Variants in PI4KB observed in about 807,000 individuals in gnomAD.
PI4KB encodes PtdIns 4-kinase beta.
Under a neutral mutation model 81.4 loss-of-function variants are expected in PI4KB, and 23 were observed. The ratio of observed to expected loss-of-function variants is 0.28; its 90% CI spans 0.20 to 0.40. The LOEUF is 0.40. Ranked by LOEUF, PI4KB falls within the 10% of genes least tolerant of loss-of-function variation. The pLI is 1.00. For missense variants in PI4KB, 651 were observed against 1,036.6 expected (o/e 0.63, Z 5.11); for synonymous variants, 381 against 406.8 (o/e 0.94, Z 0.76).
intron 4 of PI4KB, 100 bp from the exon 5 acceptor site, chr1:151,306,463 C>T (rs753999940): frequency 4.5e-5 from 33 of 736,826 alleles, no homozygotes; most frequent in Admixed American, 3.0e-4. Context: ...TTTCTCCTAG[C>T]TCCAGCCTTC....
In PI4KB at chr1:151,316,424, C is replaced by A; in HGVS notation, c.58G>T (p.Gly20Cys). The change falls in exon 2 of 12, where the codon GGC (glycine) becomes TGC (cysteine). Residue 20 changes from glycine (G) to cysteine (C), a missense_variant. Gly to Cys is a radical substitution (Grantham distance 159). Coordinates refer to ENST00000368873, the MANE Select transcript of PI4KB (RefSeq NM_001369623.2). Reference protein sequence around the residue: ...PLKPTSEPTSGPPGNNGGSLL... With the variant: ...PLKPTSEPTSCPPGNNGGSLL... The stretch of plus-strand genomic sequence containing the variant: ...GACCCCCCATTATTCCCTGGTGGGC[C>A]AGAAGTGGGCTCAGAAGTTGGCTTC... The A allele has an allele frequency of 6.3e-7, 1 of 1,581,908 alleles. No individual in the cohort carries two copies. Among genetic ancestry groups the A allele is most frequent in the African/African-American group, 1.3e-5 (1 of 74,154 alleles).
chr1:151,306,380 A>G lies in PI4KB; in HGVS notation c.1183-17T>C, dbSNP rs1485873083. The G allele has an allele frequency of 6.5e-7, 1 of 1,550,164 alleles. No homozygotes were observed. Among genetic ancestry groups the G allele is most frequent in the Non-Finnish European group, 8.9e-7 (1 of 1,122,008 alleles). On this transcript the variant is annotated splice_polypyrimidine_tract_variant and intron_variant, in intron 4 of 11. Coordinates refer to ENST00000368873, the MANE Select transcript of PI4KB (RefSeq NM_001369623.2). Reference sequence around the variant, plus strand: ...GTAGGGAGCCTGGGGGAAGAGTGAGACAGTATTTGCAACTTACTTCCACCA... The same window carrying G: ...GTAGGGAGCCTGGGGGAAGAGTGAGGCAGTATTTGCAACTTACTTCCACCA...
rs913851992 is a variant in PI4KB, at chr1:151,302,077, C to G, written c.1626-110G>C. The G allele has an allele frequency of 7.5e-5, 119 of 1,583,262 alleles. 1 individual carries two copies. The Middle Eastern group carries it at 2.4e-3, about 32-fold the overall frequency. ...ACGCCCCATAGGGCAAGGACCCAGA[C>G]AGCCTGGAAGCCTGACAGATTTTTT... On this transcript the variant is annotated intron_variant, in intron 7 of 11. Coordinates refer to ENST00000368873, the MANE Select transcript of PI4KB (RefSeq NM_001369623.2).
chr1:151,316,349 G>C lies in PI4KB; in HGVS notation c.133C>G (p.Pro45Ala). ...TGGCAGGCCTTCTGGGCCACCTCAG[G>C]GTCAATCACTGATAGTTCCCCGACC... Reference protein sequence around the residue: ...EGVGELSVIDPEVAQKACQEV... With the variant: ...EGVGELSVIDAEVAQKACQEV... Residue 45 changes from proline to alanine, a missense_variant, in exon 2 of 12, where the codon CCT (proline) becomes GCT (alanine). Pro to Ala is a conservative substitution (Grantham distance 27). Transcript: ENST00000368873. 6.2e-7 allele frequency: 1 copy of C among 1,612,896 alleles called. No homozygotes were observed. The highest frequency in any genetic ancestry group is 1.1e-5 in the South Asian group (1 of 90,852).
At chr1:151,298,542 T>C in intron 9 of PI4KB, 1 of 490,500 alleles carries the variant, frequency 2.0e-6, no homozygotes, top group Non-Finnish European at 3.7e-6. Flanking sequence ...TCCTCTGTCA[T>C]CATTTTCCCT....
intron 9 of PI4KB, among the ~76,000 whole-genome samples, chr1:151,296,238 C>G (rs933911222): frequency 3.9e-5 from 6 of 152,164 alleles, no homozygotes; most frequent in Non-Finnish European, 7.3e-5. Context: ...CAGAGCAAGA[C>G]TCTGTCTCAC....
intron 3 of PI4KB, 90 bp from the exon 4 acceptor site, chr1:151,307,891 G>A (rs1313951549): frequency 1.2e-5 from 12 of 965,658 alleles, no homozygotes; most frequent in Admixed American, 1.9e-5. Context: ...CATGCAGGCC[G>A]GGGACCCCAC....
intron 2 of PI4KB, among the ~76,000 whole-genome samples, chr1:151,313,254 G>A (rs1647388404): frequency 6.6e-6 from 1 of 152,154 alleles, no homozygotes; most frequent in East Asian, 1.9e-4. Context: ...GAGTGCCTGG[G>A]AACATAGTAT....
At chr1:151,324,988 CTTT>C (rs572033691) in intron 1 of PI4KB, 1,031 of 369,886 alleles carry the variant, frequency 2.8e-3, no homozygotes, top group South Asian at 3.8e-3. Context: ...AGGAAAGCTG[CTTT>C]TTTTTTTTTT....
chr1:151,327,234 C>A (rs1023753795), intron 1 of PI4KB, 37 bp downstream of exon 1: 1 of 281,160 alleles, frequency 3.6e-6, no homozygotes, highest in Admixed American at 7.2e-5. Flanking sequence ...CCCCACCCAA[C>A]AGGGCAAAGG....
At chr1:151,293,715 A>G in intron 11 of PI4KB, 1 of 353,378 alleles carries the variant, frequency 2.8e-6, no homozygotes, top group Non-Finnish European at 5.3e-6. Flanking sequence ...TGAGAAACTC[A>G]GAGCTGGACA....
chr1:151,301,979 G>A lies in PI4KB; in HGVS notation c.1626-12C>T. On this transcript the variant is annotated splice_polypyrimidine_tract_variant and intron_variant, in intron 7 of 11. Transcript: ENST00000368873. ...CCTCTCTGATCCGCCTGTGAAGACA[G>A]AAGTAAAGGGTGTCAAAGGTTGATG... is the stretch of plus-strand genomic sequence containing the variant. 6.2e-7 allele frequency: 1 copy of A among 1,613,282 alleles called. No homozygotes were observed. The highest frequency in any genetic ancestry group is 8.5e-7 in the Non-Finnish European group (1 of 1,180,014).
Position 151,316,395 on chromosome 1 carries a change from C to G in PI4KB, c.87G>C (p.Leu29=). The G allele has an allele frequency of 6.2e-7, 1 of 1,600,044 alleles. No individual in the cohort carries two copies. The highest frequency in any genetic ancestry group is 1.7e-5 in the Admixed American group (1 of 58,484). The change falls in exon 2 of 12, where the codon CTG becomes CTC. Residue 29 remains leucine (L), a synonymous_variant. Transcript: ENST00000368873. Reference sequence around the variant, plus strand: ...CGACCCCCTCCGTGATGACACTTAGCAGGGACCCCCCATTATTCCCTGGTG... The same window carrying G: ...CGACCCCCTCCGTGATGACACTTAGGAGGGACCCCCCATTATTCCCTGGTG... The part of the protein sequence containing the change: ...SGPPGNNGGS[L]LSVITEGVGE...
chr1:151,313,835 G>A (rs1647493542), intron 2 of PI4KB, among the ~76,000 whole-genome samples: 1 of 152,246 alleles, frequency 6.6e-6, no homozygotes. Flanking sequence ...TAGATATTGA[G>A]AAATAACCAA....
intron 4 of PI4KB, 35 bp downstream of exon 4, chr1:151,307,539 G>A (rs757366319): frequency 1.9e-5 from 28 of 1,438,554 alleles, no homozygotes; most frequent in African/African-American, 8.4e-5. Flanking sequence ...GAAGAGTCAC[G>A]TCCAGGGTAG....
Position 151,303,663 on chromosome 1 carries a change from G to T in PI4KB, c.1411-13C>A, listed in dbSNP as rs77928968. The stretch of plus-strand genomic sequence containing the variant: ...GCACTTCGGGGAGCTGGAGAAAGGG[G>T]AGTGCTGGTCAGAAGTGCTAAAGTA... On this transcript the variant is annotated splice_polypyrimidine_tract_variant and intron_variant, in intron 5 of 11. Transcript: ENST00000368873. The T allele has an allele frequency of 1.3e-6, 2 of 1,576,488 alleles. No individual in the cohort carries two copies. Among genetic ancestry groups the T allele is most frequent in the South Asian group, 2.2e-5 (2 of 90,338 alleles).
At chr1:151,323,513 A>G (rs2102022952) in intron 1 of PI4KB, among the ~76,000 whole-genome samples, 1 of 152,064 alleles carries the variant, frequency 6.6e-6, no homozygotes, top group East Asian at 1.9e-4. Flanking sequence ...ACCTGAGGTC[A>G]GGAGTTCGTG....
At chr1:151,295,696 ATCTAT>A (rs1248074886) in intron 9 of PI4KB, among the ~76,000 whole-genome samples, 4 of 152,100 alleles carry the variant, frequency 2.6e-5, no homozygotes, top group African/African-American at 9.7e-5. Flanking sequence ...GCTCGACTAT[ATCTAT>A]TCTTTTTTGA....
At chr1:151,318,206 C>G (rs1185038038) in intron 1 of PI4KB, among the ~76,000 whole-genome samples, 1 of 146,392 alleles carries the variant, frequency 6.8e-6, no homozygotes, top group East Asian at 2.0e-4. Context: ...ATCACGAGGT[C>G]AAGAGATCGA....
Sources: gnomAD v4.1 joint callset for allele counts (sites outside exome capture counted in the v4.1 genomes callset) on GRCh38, gnomAD v4.1.1 for gene constraint, MANE v1.5 for transcripts, NCBI Gene and HGNC (gene_info 2026-07-23, HGNC 2026-07-21) for gene names.